The following USO1 variants were observed in gnomAD, a reference collection of about 807,000 sequenced individuals.
The protein encoded by USO1 is USO1 vesicle transport factor.
In USO1, 57 loss-of-function variants were observed where a neutral mutation model predicts 124.5. The observed-to-expected ratio is 0.46, with a 90% CI of 0.37 to 0.57. The LOEUF is 0.57. USO1 is among the 20% of genes least tolerant of loss of function. The pLI is 0.00. For missense variants in USO1, 900 were observed against 1,040.6 expected, an observed-to-expected ratio of 0.86 and a Z score of 1.86; for synonymous variants, 369 against 362.8, an observed-to-expected ratio of 1.02 and a Z score of -0.19.
chr4:75,762,755 C>G (rs1721654861), intron 4 of USO1, among the ~76,000 whole-genome samples: 1 of 151,956 alleles, frequency 6.6e-6, no homozygotes, highest in African/African-American at 2.4e-5. Context: ...GGTGAAACCC[C>G]ATCTCTACTA....
intron 4 of USO1, among the ~76,000 whole-genome samples, chr4:75,768,920 AG>A (rs1721844755): frequency 6.6e-6 from 1 of 152,234 alleles, no homozygotes; most frequent in South Asian, 2.1e-4. Flanking sequence ...GATTTTTATA[AG>A]GTATCTCAAA....
At position 75,796,496 on chromosome 4, in the gene USO1, C is replaced by T. The variant is rs543035868; in HGVS notation, c.1452+2595C>T. ...GATTACAGGTGCGCACCACCACACCCAGCGAATTTTTGTATTTTTAGTAGA... is the reference window on the plus strand; with the variant it reads ...GATTACAGGTGCGCACCACCACACCTAGCGAATTTTTGTATTTTTAGTAGA... On this transcript the variant is annotated intron_variant, in intron 13 of 23. Coordinates refer to ENST00000514213, the MANE Select transcript of USO1 (RefSeq NM_003715.4). 5.9e-3 allele frequency among the ~76,000 whole-genome samples: 890 copies of T among 151,864 alleles called. 14 individuals are homozygous for T. The highest frequency in any genetic ancestry group is 0.02 in the African/African-American group (843 of 41,448).
At chr4:75,749,183 C>A (rs1388693727) in intron 1 of USO1, among the ~76,000 whole-genome samples, 1 of 151,996 alleles carries the variant, frequency 6.6e-6, no homozygotes, top group African/African-American at 2.4e-5. Flanking sequence ...ATGCACAAAC[C>A]GAGTTAATTT....
Position 75,790,082 on chromosome 4 carries a change from A to G in USO1, c.997-68A>G, listed in dbSNP as rs544818196. The G allele has an allele frequency of 2.3e-5, 32 of 1,406,594 alleles. No individual in the cohort carries two copies. The South Asian group carries it at 3.9e-4, about 17-fold the overall frequency. 87.1% of individuals were successfully genotyped at this position (1,406,594 alleles called of 1,614,324 possible). On this transcript the variant is annotated intron_variant, in intron 10 of 23. Transcript: ENST00000514213. The stretch of plus-strand genomic sequence containing the variant: ...AACAAAAAAAAAAGATTTTTTTTCT[A>G]TTGAAAACATATTTTCCTTCTTGAC...
intron 7 of USO1, among the ~76,000 whole-genome samples, chr4:75,773,084 A>G (rs1721977267): frequency 6.6e-6 from 1 of 152,092 alleles, no homozygotes; most frequent in African/African-American, 2.4e-5. Context: ...GGCAACAAGA[A>G]AGTAACTCTG....
Position 75,744,763 on chromosome 4 carries a change from A to G in USO1, c.67-7610A>G, listed in dbSNP as rs1179570323. The G allele has an allele frequency of 5.1e-5, 14 of 276,904 alleles. No homozygotes were observed. In the Admixed American group the frequency reaches 6.9e-4, roughly 14 times the overall value. 17.2% of individuals were successfully genotyped at this position (276,904 alleles called of 1,614,324 possible). On this transcript the variant is annotated intron_variant, in intron 1 of 23. Coordinates refer to ENST00000514213, the MANE Select transcript of USO1 (RefSeq NM_003715.4). ...TATTATAAAAGTAATATCTGAATAC[A>G]TGATTGTTTAAATAAATGCTGTGTA... is the stretch of plus-strand genomic sequence containing the variant.
At chr4:75,739,334 C>T (rs1577927159) in intron 1 of USO1, among the ~76,000 whole-genome samples, 1 of 151,972 alleles carries the variant, frequency 6.6e-6, no homozygotes, top group Non-Finnish European at 1.5e-5. Flanking sequence ...ATATTTGTAT[C>T]GCACAAATCA....
intron 12 of USO1, among the ~76,000 whole-genome samples, chr4:75,793,237 G>T (rs1722582554): frequency 3.6e-5 from 4 of 112,150 alleles, no homozygotes; most frequent in South Asian, 3.0e-4. Context: ...TTGAAGATAA[G>T]GTATCACTCT....
In USO1 at chr4:75,736,889, T is replaced by C. The variant is rs79663508; in HGVS notation, c.66+12004T>C. Reference sequence around the variant, plus strand: ...AACAGTGGGCTAAATTGTACTCATATATGTTTCTTTTTCACTTTTGTTAAT... The same window carrying C: ...AACAGTGGGCTAAATTGTACTCATACATGTTTCTTTTTCACTTTTGTTAAT... On this transcript the variant is annotated intron_variant, in intron 1 of 23. Transcript: ENST00000514213. Among the ~76,000 whole-genome samples, 136 of 152,352 alleles carry C rather than the reference T, an allele frequency of 8.9e-4. No homozygotes were observed. In the East Asian group the frequency reaches 0.01, roughly 11 times the overall value.
At chr4:75,743,116 C>T (rs1721014040) in intron 1 of USO1, among the ~76,000 whole-genome samples, 1 of 151,778 alleles carries the variant, frequency 6.6e-6, no homozygotes, top group Non-Finnish European at 1.5e-5. Flanking sequence ...TCCCGAGTGG[C>T]TGGGACTACA....
intron 1 of USO1, among the ~76,000 whole-genome samples, chr4:75,737,776 G>C (rs1390612522): frequency 1.3e-5 from 2 of 151,976 alleles, no homozygotes; most frequent in Non-Finnish European, 2.9e-5. Flanking sequence ...AATGCTGTAT[G>C]AGTCAAATAG....
intron 9 of USO1, among the ~76,000 whole-genome samples, chr4:75,783,490 A>G (rs1441174638): frequency 6.6e-6 from 1 of 152,250 alleles, no homozygotes; most frequent in Non-Finnish European, 1.5e-5. Flanking sequence ...TCTTTGAAGT[A>G]GTCTACTTAC....
At chr4:75,796,890 T>TTC (rs1722699830) in intron 13 of USO1, among the ~76,000 whole-genome samples, 1 of 141,730 alleles carries the variant, frequency 7.1e-6, no homozygotes, top group African/African-American at 2.5e-5. Flanking sequence ...TTTTTTTTTT[T>TTC]CTGGTATGTC....
intron 1 of USO1, among the ~76,000 whole-genome samples, chr4:75,749,698 A>G (rs972802702): frequency 1.3e-5 from 2 of 151,718 alleles, no homozygotes; most frequent in Non-Finnish European, 2.9e-5. Context: ...AAAAAAAGTT[A>G]AAATACTAAT....
intron 8 of USO1, among the ~76,000 whole-genome samples, chr4:75,781,265 T>A (rs1409338895): frequency 6.6e-6 from 1 of 152,156 alleles, no homozygotes; most frequent in Non-Finnish European, 1.5e-5. Context: ...GTGATTGAAT[T>A]TTTGCAATCT....
chr4:75,753,439 T>C (rs925794779), intron 3 of USO1, among the ~76,000 whole-genome samples: 98,399 of 151,830 alleles, frequency 0.65, 34,055 homozygotes, highest in East Asian at 0.91. Flanking sequence ...GAGTCTGAGG[T>C]GGGAGAAATC....
intron 17 of USO1, among the ~76,000 whole-genome samples, chr4:75,803,923 G>A (rs1560461501): frequency 6.6e-6 from 1 of 152,082 alleles, no homozygotes; most frequent in Non-Finnish European, 1.5e-5. Flanking sequence ...TATTAATGGA[G>A]CCTTCTTTGA....
At chr4:75,777,483 TA>T (rs754483763) in intron 8 of USO1, among the ~76,000 whole-genome samples, 14 of 152,122 alleles carry the variant, frequency 9.2e-5, no homozygotes, top group Non-Finnish European at 2.1e-4. Flanking sequence ...TTAGAACTCT[TA>T]AAACTGAAAA....
At chr4:75,745,884 A>G (rs1259203532) in intron 1 of USO1, among the ~76,000 whole-genome samples, 3 of 152,134 alleles carry the variant, frequency 2.0e-5, no homozygotes, top group East Asian at 3.9e-4. Context: ...TAGGCGACAG[A>G]GTGAGACTCC....
Sources: allele counts gnomAD v4.1 joint callset (sites outside exome capture counted in the v4.1 genomes callset), GRCh38; gene constraint gnomAD v4.1.1; transcripts MANE v1.5; gene names NCBI Gene and HGNC (gene_info 2026-07-23, HGNC 2026-07-21).